LMBR1: variants seen among roughly 807,000 people sequenced by gnomAD.
LMBR1 encodes the protein limb region 1 protein homolog.
Under a neutral mutation model 73.9 loss-of-function variants are expected in LMBR1, and 52 were observed. That is an observed-to-expected ratio of 0.70 (90% CI 0.56 to 0.89). LMBR1 has a LOEUF of 0.89. LMBR1 is among the 40% of genes least tolerant of loss of function. The pLI, the probability that LMBR1 is intolerant of heterozygous loss-of-function variation, is 0.00. For missense variants in LMBR1, 539 were observed against 579.8 expected, an observed-to-expected ratio of 0.93 and a Z score of 0.72; for synonymous variants, 215 against 209.4, an observed-to-expected ratio of 1.03 and a Z score of -0.23.
chr7:156,723,202 A>G (rs1814983648), intron 15 of LMBR1, among the ~76,000 whole-genome samples: 1 of 152,166 alleles, frequency 6.6e-6, no homozygotes, highest in Non-Finnish European at 1.5e-5. Flanking sequence ...AATTATGAAG[A>G]TAACTACAAA....
intron 1 of LMBR1, among the ~76,000 whole-genome samples, chr7:156,838,554 T>C (rs150251859): frequency 5.7e-4 from 87 of 152,354 alleles, no homozygotes; most frequent in Middle Eastern, 3.4e-3. Flanking sequence ...AGATTCTTTC[T>C]TTTTTACAGC....
intron 1 of LMBR1, among the ~76,000 whole-genome samples, chr7:156,879,013 T>A (rs113113420): frequency 0.027 from 4,107 of 152,230 alleles, 189 homozygotes; most frequent in African/African-American, 0.094. Context: ...TGAAACTGGA[T>A]CCTCATCTCT....
At chr7:156,726,073 TTTAAG>T (rs1375975462) in intron 12 of LMBR1, 1 of 382,560 alleles carries the variant, frequency 2.6e-6, no homozygotes, top group Non-Finnish European at 4.7e-6. Flanking sequence ...TCAAATGTAA[TTTAAG>T]TTACTTGTCA....
intron 4 of LMBR1, among the ~76,000 whole-genome samples, chr7:156,821,782 G>T (rs1047558128): frequency 5.7e-5 from 8 of 139,272 alleles, no homozygotes; most frequent in Non-Finnish European, 1.1e-4. Flanking sequence ...TCCTTCCCCA[G>T]CCACCCCTGT....
rs1408869894 is a variant in LMBR1 at position 156,871,875 on chromosome 7, G to A, written c.66+21053C>T. 2.6e-5 allele frequency among the ~76,000 whole-genome samples: 4 copies of A among 152,092 alleles called. No individual in the cohort carries two copies. The East Asian group carries it at 7.7e-4, about 29-fold the overall frequency. On this transcript the variant is annotated intron_variant, in intron 1 of 16. Transcript: ENST00000353442. Reference sequence around the variant, plus strand: ...CTGAAAGGTTTCCCACTGAGATCAGGCACAAGGCAGAGATGTCCACTCTTA... The same window carrying A: ...CTGAAAGGTTTCCCACTGAGATCAGACACAAGGCAGAGATGTCCACTCTTA...
At chr7:156,745,884 T>C (rs1480855395) in intron 9 of LMBR1, among the ~76,000 whole-genome samples, 2 of 152,348 alleles carry the variant, frequency 1.3e-5, no homozygotes, top group East Asian at 3.9e-4. Context: ...ATGAGTTTTA[T>C]CACTTTACTT....
At chr7:156,802,476 A>G (rs1213380740) in intron 4 of LMBR1, among the ~76,000 whole-genome samples, 1 of 152,208 alleles carries the variant, frequency 6.6e-6, no homozygotes, top group Non-Finnish European at 1.5e-5. Context: ...AAATGTTAAC[A>G]GGAAAAGACT....
At chr7:156,725,401 C>T (rs181413556) in intron 14 of LMBR1, 34 bp downstream of exon 14, 13 of 1,326,744 alleles carry the variant, frequency 9.8e-6, no homozygotes, top group Admixed American at 2.0e-5. Context: ...GGAAGGCAAA[C>T]GAGAGGCCAC....
At chr7:156,756,285 T>C (rs899426727) in intron 9 of LMBR1, 108 bp downstream of exon 9, 3 of 637,808 alleles carry the variant, frequency 4.7e-6, no homozygotes, top group Admixed American at 2.6e-5. Flanking sequence ...TCTCCTCTTG[T>C]AGCAGCACAA....
At chr7:156,866,269 T>C (rs935773127) in intron 1 of LMBR1, among the ~76,000 whole-genome samples, 2 of 152,104 alleles carry the variant, frequency 1.3e-5, no homozygotes, top group South Asian at 2.1e-4. Flanking sequence ...TGACAGGCGA[T>C]TGCAATCCAG....
intron 9 of LMBR1, among the ~76,000 whole-genome samples, chr7:156,751,028 T>C (rs1366976430): frequency 2.6e-5 from 4 of 152,158 alleles, no homozygotes; most frequent in Admixed American, 6.5e-5. Context: ...AACGATCACC[T>C]GAGCCCGGGA....
At chr7:156,836,309 C>T (rs1229392136) in intron 2 of LMBR1, among the ~76,000 whole-genome samples, 1 of 152,048 alleles carries the variant, frequency 6.6e-6, no homozygotes, top group East Asian at 1.9e-4. Flanking sequence ...AATTAATGAG[C>T]ACAAAGTTCA....
chr7:156,749,207 A>G (rs979194197), intron 9 of LMBR1, among the ~76,000 whole-genome samples: 1 of 152,224 alleles, frequency 6.6e-6, no homozygotes, highest in African/African-American at 2.4e-5. Context: ...CAGAACCTAG[A>G]AGAATGCCTA....
chr7:156,808,057 GC>G (rs1351522713), intron 4 of LMBR1, among the ~76,000 whole-genome samples: 7 of 152,080 alleles, frequency 4.6e-5, no homozygotes, highest in African/African-American at 7.2e-5. Flanking sequence ...CTTGGTAAAT[GC>G]CCACATTGTA....
chr7:156,690,217 AATT>A (rs1358943002), intron 15 of LMBR1, among the ~76,000 whole-genome samples: 1 of 152,208 alleles, frequency 6.6e-6, no homozygotes, highest in African/African-American at 2.4e-5. Context: ...ATGTGTATTT[AATT>A]ATTTATAAGC....
At chr7:156,873,955 G>A (rs189028835) in intron 1 of LMBR1, among the ~76,000 whole-genome samples, 15 of 152,244 alleles carry the variant, frequency 9.9e-5, no homozygotes, top group African/African-American at 3.1e-4. Context: ...AGTGGATTCC[G>A]CACTAGGGCT....
chr7:156,887,266 C>G (rs541282200), intron 1 of LMBR1, among the ~76,000 whole-genome samples: 4 of 152,066 alleles, frequency 2.6e-5, no homozygotes, highest in Admixed American at 6.6e-5. Context: ...AGATTGAGAC[C>G]ATTCTGGCCA....
chr7:156,669,084 C>A lies in LMBR1; in HGVS notation n.1070G>T, dbSNP rs1801859273. 1 of 152,168 alleles carries A rather than the reference C, an allele frequency of 6.6e-6. No homozygotes were observed. The highest frequency in any genetic ancestry group is 2.1e-4 in the South Asian group (1 of 4,830). 9.4% of individuals were successfully genotyped at this position (152,168 alleles called of 1,614,324 possible). On this transcript the variant is annotated non_coding_transcript_exon_variant, in exon 5 of 5. Coordinates refer to the LMBR1 transcript ENST00000430825. This position sits in a 1 kb window ranked among gnomAD's most constrained non-coding sequence, Gnocchi z 4.2. ...AATTAGACTCAACTGCATGAAAAGT[C>A]TATGCGAACTGCTTTCATGGACTGG...
intron 1 of LMBR1, among the ~76,000 whole-genome samples, chr7:156,859,930 G>A (rs1223334496): frequency 6.6e-6 from 1 of 152,176 alleles, no homozygotes; most frequent in Admixed American, 6.5e-5. Flanking sequence ...TATGATTTTG[G>A]TGAAAGAATA....
Sources: gnomAD v4.1 joint callset for allele counts (sites outside exome capture counted in the v4.1 genomes callset) on GRCh38, gnomAD v4.1.1 for gene constraint, Gnocchi (gnomAD v3.1) non-coding constraint, MANE v1.5 for transcripts, NCBI Gene and HGNC (gene_info 2026-07-23, HGNC 2026-07-21) for gene names.